Variants in SNTG2 observed in about 807,000 individuals in gnomAD.
SNTG2 encodes the protein gamma-2-syntrophin.
A neutral mutation model predicts 70.9 loss-of-function variants in SNTG2; 74 were observed. The ratio of observed to expected loss-of-function variants is 1.04; its 90% CI spans 0.86 to 1.27. The LOEUF (loss-of-function observed/expected upper bound fraction) is 1.27, where lower values mean the gene tolerates loss of function less well. SNTG2 is among the 50% of genes most tolerant of loss of function. The pLI is 0.00. For missense variants in SNTG2, 717 were observed against 690.7 expected, an observed-to-expected ratio of 1.04 and a Z score of -0.43; for synonymous variants, 278 against 273.8, an observed-to-expected ratio of 1.02 and a Z score of -0.15.
intron 16 of SNTG2, among the ~76,000 whole-genome samples, chr2:1,320,534 CAAA>C (rs35391780): frequency 3.4e-5 from 3 of 89,444 alleles, no homozygotes; most frequent in Non-Finnish European, 6.8e-5. Context: ...GACTCCTTCT[CAAA>C]AAAAAAAAAA....
At chr2:1,279,136 G>A (rs1232364191) in intron 14 of SNTG2, among the ~76,000 whole-genome samples, 4 of 151,934 alleles carry the variant, frequency 2.6e-5, no homozygotes, top group Non-Finnish European at 4.4e-5. Context: ...GTCAGTGCGC[G>A]AATCACCCCT....
In SNTG2 at chr2:1,012,551, T is replaced by A. The variant is rs139777634; in HGVS notation, c.72+61483T>A. Among the ~76,000 whole-genome samples, 459 of 147,398 alleles carry A rather than the reference T, an allele frequency of 3.1e-3. 1 individual carries two copies. Among genetic ancestry groups the A allele is most frequent in the African/African-American group, 0.011 (434 of 39,866 alleles). On this transcript the variant is annotated intron_variant, in intron 1 of 16. Transcript: ENST00000308624. ...AGGGTGATCTAGAAAGGGATTTATA[T>A]GGGCAGAGAGAAGGGTGGTCTGGAG... is the stretch of plus-strand genomic sequence containing the variant.
At chr2:1,340,220 A>T (rs1008822481) in intron 16 of SNTG2, among the ~76,000 whole-genome samples, 1 of 152,222 alleles carries the variant, frequency 6.6e-6, no homozygotes, top group Non-Finnish European at 1.5e-5. Context: ...GAGACTGTGA[A>T]TTTGGAGAAG....
At chr2:1,248,171 G>A (rs1202635902) in intron 12 of SNTG2, among the ~76,000 whole-genome samples, 2 of 152,200 alleles carry the variant, frequency 1.3e-5, no homozygotes, top group Non-Finnish European at 2.9e-5. Flanking sequence ...TTTACCTCCA[G>A]ACATCAAGAC....
intron 1 of SNTG2, among the ~76,000 whole-genome samples, chr2:986,052 A>G (rs1028914721): frequency 6.8e-6 from 1 of 147,562 alleles, no homozygotes; most frequent in African/African-American, 2.5e-5. Context: ...GGAAAAATAC[A>G]TTCCCTGCAA....
At position 1,187,524 on chromosome 2, in the gene SNTG2, C is replaced by T. The variant is rs191195639; in HGVS notation, c.591+14341C>T. 3.1e-3 allele frequency among the ~76,000 whole-genome samples: 465 copies of T among 152,284 alleles called. 2 individuals carry two copies. Among genetic ancestry groups the T allele is most frequent in the Admixed American group, 5.8e-3 (89 of 15,290 alleles). ...TCAGATTTTGGATTTCTCAAGCCTC[C>T]ACAATCACATAAAGCAGTCCCTTAA... On this transcript the variant is annotated intron_variant, in intron 8 of 16. Coordinates refer to ENST00000308624, the MANE Select transcript of SNTG2 (RefSeq NM_018968.4).
intron 1 of SNTG2, among the ~76,000 whole-genome samples, chr2:1,071,414 C>T (rs2148137811): frequency 6.8e-6 from 1 of 147,824 alleles, no homozygotes; most frequent in Admixed American, 6.8e-5. Context: ...AAAAACCAAA[C>T]ACCGCATATT....
At chr2:1,237,353 G>A (rs1047747015) in intron 9 of SNTG2, among the ~76,000 whole-genome samples, 4 of 152,210 alleles carry the variant, frequency 2.6e-5, no homozygotes, top group Non-Finnish European at 1.5e-5. Flanking sequence ...TGACAGGGAA[G>A]AACTACTGAA....
chr2:1,057,693 C>T (rs1388304378), intron 1 of SNTG2, among the ~76,000 whole-genome samples: 1 of 152,184 alleles, frequency 6.6e-6, no homozygotes, highest in Non-Finnish European at 1.5e-5. Flanking sequence ...CAGACACACC[C>T]AGGATCAGTA....
intron 1 of SNTG2, among the ~76,000 whole-genome samples, chr2:991,907 A>T (rs1208179537): frequency 6.6e-6 from 1 of 152,202 alleles, no homozygotes; most frequent in African/African-American, 2.4e-5. Context: ...TCTGAAGCAG[A>T]CTGGCAGGGA....
intron 1 of SNTG2, among the ~76,000 whole-genome samples, chr2:963,819 A>G (rs1660438152): frequency 6.6e-6 from 1 of 152,260 alleles, no homozygotes; most frequent in African/African-American, 2.4e-5. Flanking sequence ...GGTACTAAGT[A>G]TAAATCCTTT....
At chr2:1,245,002 T>C (rs1677326114) in intron 11 of SNTG2, among the ~76,000 whole-genome samples, 1 of 151,544 alleles carries the variant, frequency 6.6e-6, no homozygotes, top group East Asian at 1.9e-4. Context: ...ATCAACATTC[T>C]CAGTAAACTA....
intron 1 of SNTG2, among the ~76,000 whole-genome samples, chr2:1,051,670 A>G (rs1457634445): frequency 1.3e-5 from 2 of 152,174 alleles, no homozygotes; most frequent in African/African-American, 4.8e-5. Flanking sequence ...TTTCCAGTAT[A>G]TGCCATGTTG....
At chr2:1,347,148 A>T (rs1245112868) in intron 16 of SNTG2, among the ~76,000 whole-genome samples, 2 of 152,234 alleles carry the variant, frequency 1.3e-5, no homozygotes, top group African/African-American at 4.8e-5. Flanking sequence ...TTCTAGTCCC[A>T]GTGCTAACCC....
intron 15 of SNTG2, among the ~76,000 whole-genome samples, chr2:1,315,591 T>G (rs953219011): frequency 6.6e-6 from 1 of 152,184 alleles, no homozygotes; most frequent in African/African-American, 2.4e-5. Flanking sequence ...ATTACGTCTT[T>G]CTTTGCTGCA....
chr2:1,273,476 G>A (rs949194716), intron 14 of SNTG2, among the ~76,000 whole-genome samples: 14 of 151,958 alleles, frequency 9.2e-5, no homozygotes, highest in African/African-American at 2.4e-4. Flanking sequence ...CACTCCTACC[G>A]TACTATCAAG....
intron 1 of SNTG2, among the ~76,000 whole-genome samples, chr2:1,006,900 A>G (rs1259450654): frequency 6.6e-6 from 1 of 152,052 alleles, no homozygotes; most frequent in East Asian, 1.9e-4. Flanking sequence ...ATGGTGACAC[A>G]TGCCTGTAAT....
intron 1 of SNTG2, among the ~76,000 whole-genome samples, chr2:1,064,419 ATATATAAT>A (rs1204169917): frequency 2.0e-5 from 3 of 151,034 alleles, no homozygotes; most frequent in South Asian, 2.1e-4. Flanking sequence ...TAATGCATTG[ATATATAAT>A]TATATATATG....
chr2:1,164,053 G>A (rs1057508652), intron 6 of SNTG2, among the ~76,000 whole-genome samples: 1 of 152,192 alleles, frequency 6.6e-6, no homozygotes, highest in Admixed American at 6.5e-5. Flanking sequence ...CTGAAGAAAT[G>A]AGGAGGAAAG....
Sources: allele counts gnomAD v4.1 joint callset (sites outside exome capture counted in the v4.1 genomes callset), GRCh38; gene constraint gnomAD v4.1.1; transcripts MANE v1.5; gene names NCBI Gene and HGNC (gene_info 2026-07-23, HGNC 2026-07-21).